The following PRLR variants were observed in gnomAD, a reference collection of about 807,000 sequenced individuals.
The protein encoded by PRLR is prolactin receptor, also known as hPRL receptor.
In PRLR, 13 loss-of-function variants were observed where a neutral mutation model predicts 40.2. That is an observed-to-expected ratio of 0.32 (90% CI 0.21 to 0.51). The LOEUF (loss-of-function observed/expected upper bound fraction) is 0.51. PRLR is among the 20% of genes least tolerant of loss of function. The pLI, the probability that PRLR is intolerant of heterozygous loss-of-function variation, is 0.97. For synonymous variants in PRLR, 269 were observed against 278.7 expected (o/e 0.97, Z 0.35); for missense variants, 656 against 747.3 (o/e 0.88, Z 1.42).
downstream of PRLR, among the ~76,000 whole-genome samples, chr5:35,052,878 G>A (rs559251460): frequency 7.9e-5 from 12 of 152,290 alleles, no homozygotes; most frequent in African/African-American, 9.6e-5. Context: ...AAGGCTGTCC[G>A]TACTTTGTTG....
At chr5:35,157,371 C>G (rs1774540145) in intron 1 of PRLR, among the ~76,000 whole-genome samples, 2 of 152,236 alleles carry the variant, frequency 1.3e-5, no homozygotes, top group South Asian at 4.1e-4. Flanking sequence ...CATCAGGATA[C>G]TTCAAGGGGG....
At chr5:35,169,111 G>A (rs935790461) in intron 1 of PRLR, among the ~76,000 whole-genome samples, 2 of 152,138 alleles carry the variant, frequency 1.3e-5, no homozygotes, top group Non-Finnish European at 1.5e-5. Context: ...CTTCATTAAT[G>A]CTAGGTTTTG....
In PRLR at chr5:35,061,424, T is replaced by G. The variant is rs1486368436; in HGVS notation, c.*3665A>C. 1 of 152,166 alleles carries G rather than the reference T, an allele frequency of 6.6e-6. No individual in the cohort carries two copies. The highest frequency in any genetic ancestry group is 6.5e-5 in the Admixed American group (1 of 15,276). 9.4% of individuals were successfully genotyped at this position (152,166 alleles called of 1,614,324 possible). A position where few individuals can be genotyped will look rare whatever the true frequency, so the allele number is the denominator to read the frequency against. ...CTCAATAACTCATAGGCTTTTCACATTCAGCTGGGTCATCACAAGACACAG... is the reference window on the plus strand; with the variant it reads ...CTCAATAACTCATAGGCTTTTCACAGTCAGCTGGGTCATCACAAGACACAG... On this transcript the variant is annotated 3_prime_UTR_variant, in exon 10 of 10. Transcript: ENST00000618457.
chr5:35,122,602 T>C (rs78112894), intron 1 of PRLR, among the ~76,000 whole-genome samples: 2 of 152,152 alleles, frequency 1.3e-5, no homozygotes, highest in South Asian at 4.1e-4. Flanking sequence ...GTTAGGCCAA[T>C]GTTAGTCTTT....
At chr5:35,097,295 T>C (rs1286379666) in intron 2 of PRLR, among the ~76,000 whole-genome samples, 3 of 152,242 alleles carry the variant, frequency 2.0e-5, no homozygotes, top group African/African-American at 7.2e-5. Context: ...AATGTTTATA[T>C]GTGATCCACT....
At chr5:35,153,214 C>G (rs1774388762) in intron 1 of PRLR, among the ~76,000 whole-genome samples, 1 of 152,286 alleles carries the variant, frequency 6.6e-6, no homozygotes, top group South Asian at 2.1e-4. Flanking sequence ...CAACACAAAG[C>G]TAAACAGATT....
intron 1 of PRLR, among the ~76,000 whole-genome samples, chr5:35,207,988 A>G (rs1337083985): frequency 6.6e-6 from 1 of 152,166 alleles, no homozygotes; most frequent in Admixed American, 6.5e-5. Flanking sequence ...TCTGGAATAG[A>G]CGGTATGCTA....
At chr5:35,049,251 G>A in exon 9 of PRLR, 1 of 703,006 alleles carries the variant, frequency 1.4e-6, no homozygotes, top group Non-Finnish European at 2.6e-6. Flanking sequence ...GGGAGAAAAT[G>A]TTGAGTTCCT....
At chr5:35,216,486 G>A (rs571943831) in intron 1 of PRLR, among the ~76,000 whole-genome samples, 1 of 152,322 alleles carries the variant, frequency 6.6e-6, no homozygotes. Context: ...ACAGTAGGAT[G>A]ACAGTGGAGA....
rs753837628 is a variant in PRLR at position 35,065,316 on chromosome 5, T to C, written c.1642A>G (p.Lys548Glu). The change falls in exon 10 of 10, where the codon AAG (lysine) becomes GAG (glutamate). Residue 548 changes from lysine to glutamate, a missense_variant. Transcript: ENST00000618457. ...GTPENNKEYAKVSGVMDNNIL... is the reference protein window; with the variant it reads ...GTPENNKEYAEVSGVMDNNIL... Reference sequence around the variant, plus strand: ...TTGTTATCCATGACCCCGGACACCTTGGCATACTCCTTATTGTTCTCAGGA... The same window carrying C: ...TTGTTATCCATGACCCCGGACACCTCGGCATACTCCTTATTGTTCTCAGGA... The C allele has an allele frequency of 6.2e-7, 1 of 1,614,178 alleles. No homozygotes were observed. The highest frequency in any genetic ancestry group is 1.1e-5 in the South Asian group (1 of 91,084).
intron 1 of PRLR, among the ~76,000 whole-genome samples, chr5:35,185,609 C>A (rs539470225): frequency 6.6e-6 from 1 of 152,284 alleles, no homozygotes; most frequent in East Asian, 1.9e-4. Context: ...TACAGCAAGA[C>A]CTAGCTCTGG....
At chr5:35,135,173 C>T (rs957422496) in intron 1 of PRLR, 5 of 150,746 alleles carry the variant, frequency 3.3e-5, no homozygotes, top group Admixed American at 1.3e-4. Context: ...TCATTCAGTC[C>T]GAAAAAGAAA....
rs1170533416 is a variant in PRLR at position 35,062,085 on chromosome 5, A to G, written c.*3004T>C. On this transcript the variant is annotated 3_prime_UTR_variant, in exon 10 of 10. Coordinates refer to ENST00000618457, the MANE Select transcript of PRLR (RefSeq NM_000949.7). ...TTCACTTATAAAATACTTGTGCAAT[A>G]TATTAAGACCAACTGGAATGGACGG... 6.6e-6 allele frequency: 1 copy of G among 152,232 alleles called. No homozygotes were observed. Among genetic ancestry groups the G allele is most frequent in the Non-Finnish European group, 1.5e-5 (1 of 68,040 alleles). The allele number at this position is 152,232 out of a possible 1,614,324, so 9.4% of individuals were successfully genotyped here. A position where few individuals can be genotyped will look rare whatever the true frequency, so the allele number is the denominator to read the frequency against.
Position 35,065,245 on chromosome 5 carries a change from G to C in PRLR, c.1713C>G (p.Cys571Trp). 5 of 1,614,110 alleles carry C rather than the reference G, an allele frequency of 3.1e-6. No homozygotes were observed. Among genetic ancestry groups the C allele is most frequent in the Non-Finnish European group, 4.2e-6 (5 of 1,180,026 alleles). The change falls in exon 10 of 10, where the codon TGC becomes TGG. Residue 571 changes from cysteine to tryptophan, a missense_variant. This residue lies in a region of PRLR where 469 missense variants were observed against 491.5 expected (regional missense o/e 0.95). Transcript: ENST00000618457. ...VPDPHAKNVA[C>W]FEESAKEAPP... ...GGGCCTCTTTGGCTGATTCTTCAAA[G>C]CAAGCCACGTTTTTAGCATGTGGAT...
chr5:35,097,843 A>G (rs960154824), intron 2 of PRLR, among the ~76,000 whole-genome samples: 1 of 152,124 alleles, frequency 6.6e-6, no homozygotes, highest in East Asian at 1.9e-4. Context: ...GGCCCTAGGA[A>G]GGGGATTTTT....
rs530522115 is a variant in PRLR, at chr5:35,110,378, G to A, written c.-44+7683C>T. Among the ~76,000 whole-genome samples the A allele has an allele frequency of 6.6e-5, 10 of 151,994 alleles. No homozygotes were observed. The South Asian group carries it at 1.2e-3, about 19-fold the overall frequency. ...TAAAGTATAATAAAAAAAAATAAGA[G>A]CAAGGATATTGTGAGTAGACAGGAG... is the stretch of plus-strand genomic sequence containing the variant. On this transcript the variant is annotated intron_variant, in intron 2 of 9. Transcript: ENST00000618457.
chr5:35,171,379 G>A (rs1774992412), intron 1 of PRLR, among the ~76,000 whole-genome samples: 2 of 152,260 alleles, frequency 1.3e-5, no homozygotes, highest in South Asian at 4.2e-4. Context: ...ACTTGAGCCT[G>A]CCCAGCAAGT....
chr5:35,073,909 G>A (rs1284685324), intron 5 of PRLR, among the ~76,000 whole-genome samples: 1 of 152,210 alleles, frequency 6.6e-6, no homozygotes, highest in African/African-American at 2.4e-5. Flanking sequence ...TGGTGAGGAT[G>A]TGGAGAGATT....
At chr5:35,082,979 C>T (rs774343860) in intron 5 of PRLR, among the ~76,000 whole-genome samples, 5 of 151,480 alleles carry the variant, frequency 3.3e-5, no homozygotes, top group Non-Finnish European at 7.4e-5. Flanking sequence ...TTTTGTGGGT[C>T]GCATTTATTA....
Sources: allele counts gnomAD v4.1 joint callset (sites outside exome capture counted in the v4.1 genomes callset), GRCh38; gene constraint gnomAD v4.1.1; regional missense constraint gnomAD v4.1.1; transcripts MANE v1.5; gene names NCBI Gene and HGNC (gene_info 2026-07-23, HGNC 2026-07-21).